The following ADAMTSL1 variants were observed in gnomAD, a reference collection of about 807,000 sequenced individuals.
ADAMTSL1 encodes ADAMTS like 1.
In ADAMTSL1, 126 loss-of-function variants were observed where a neutral mutation model predicts 201.8. That is an observed-to-expected ratio of 0.62 (90% CI 0.54 to 0.72). The LOEUF (loss-of-function observed/expected upper bound fraction) is 0.72, where lower values mean the gene tolerates loss of function less well. Ranked by LOEUF, ADAMTSL1 falls within the 30% of genes least tolerant of loss-of-function variation. The pLI is 0.00. For missense variants in ADAMTSL1, 2,679 were observed against 2,277.8 expected (o/e 1.18, Z -3.59); for synonymous variants, 1,121 against 903.4 (o/e 1.24, Z -4.32).
At chr9:18,838,605 T>C (rs1825488693) in intron 23 of ADAMTSL1, among the ~76,000 whole-genome samples, 1 of 152,110 alleles carries the variant, frequency 6.6e-6, no homozygotes, top group Non-Finnish European at 1.5e-5. Flanking sequence ...GATGGGAGGA[T>C]TGCTTGAGGT....
chr9:18,779,715 C>T (rs998633432), intron 19 of ADAMTSL1, among the ~76,000 whole-genome samples: 13 of 152,168 alleles, frequency 8.5e-5, no homozygotes, highest in Admixed American at 3.3e-4. Context: ...AGATTTCAGT[C>T]GAGCCCTTTG....
intron 2 of ADAMTSL1, among the ~76,000 whole-genome samples, chr9:18,321,219 T>G (rs1490547581): frequency 6.6e-6 from 1 of 152,178 alleles, no homozygotes; most frequent in Middle Eastern, 3.2e-3. Context: ...AATATAAAGA[T>G]ATTTTGTAAT....
At chr9:18,605,780 G>A (rs1824971493) in intron 4 of ADAMTSL1, among the ~76,000 whole-genome samples, 2 of 152,170 alleles carry the variant, frequency 1.3e-5, no homozygotes, top group South Asian at 2.1e-4. Context: ...CCATTCACAT[G>A]CTTTCTAAAT....
chr9:18,475,653 C>T (rs1242850137), intron 1 of ADAMTSL1, among the ~76,000 whole-genome samples: 1 of 152,132 alleles, frequency 6.6e-6, no homozygotes, highest in Non-Finnish European at 1.5e-5. Flanking sequence ...TGCTTTATGA[C>T]TTGTGGAGCA....
intron 24 of ADAMTSL1, 51 bp from the exon 25 acceptor site, chr9:18,889,517 G>C: frequency 1.3e-6 from 2 of 1,584,724 alleles, no homozygotes; most frequent in Non-Finnish European, 1.7e-6. Context: ...AATTCAGAGT[G>C]TGGGCAATTA....
chr9:18,678,478 A>G (rs2133148669), intron 10 of ADAMTSL1, among the ~76,000 whole-genome samples: 1 of 152,248 alleles, frequency 6.6e-6, no homozygotes, highest in East Asian at 1.9e-4. Context: ...TGCTGGGACC[A>G]TAGTATAAAT....
chr9:17,928,669 G>C (rs1826653313), intron 1 of ADAMTSL1, among the ~76,000 whole-genome samples: 1 of 152,122 alleles, frequency 6.6e-6, no homozygotes, highest in South Asian at 2.1e-4. Flanking sequence ...CAGTACTTTG[G>C]GAGGCTGAGG....
intron 1 of ADAMTSL1, among the ~76,000 whole-genome samples, chr9:17,941,852 A>G (rs903289171): frequency 6.6e-6 from 1 of 152,100 alleles, no homozygotes; most frequent in African/African-American, 2.4e-5. Flanking sequence ...AGGTTTGATG[A>G]GGGTCTACTC....
intron 2 of ADAMTSL1, among the ~76,000 whole-genome samples, chr9:18,317,259 T>C (rs764424904): frequency 8.5e-5 from 13 of 152,094 alleles, no homozygotes; most frequent in Non-Finnish European, 1.8e-4. Context: ...AGGGTAGATG[T>C]TGGTCAAAGG....
At chr9:18,222,973 T>G (rs1022218214) in intron 2 of ADAMTSL1, among the ~76,000 whole-genome samples, 5 of 152,064 alleles carry the variant, frequency 3.3e-5, no homozygotes, top group African/African-American at 1.2e-4. Context: ...TCTGTCTGCT[T>G]TCAAGTCTTC....
rs184976751 is a variant in ADAMTSL1, at chr9:18,382,844, C to T, written c.208-121985C>T. On this transcript the variant is annotated intron_variant, in intron 2 of 29. Coordinates refer to the ADAMTSL1 transcript ENST00000680146. ...ATGAACAATGCTCATTATAACACAG[C>T]TCTGCGAGTCTGGTCCTCTGTACAG... is the stretch of plus-strand genomic sequence containing the variant. 1.1e-3 allele frequency among the ~76,000 whole-genome samples: 160 copies of T among 152,278 alleles called. 2 individuals are homozygous for T. The highest frequency in any genetic ancestry group is 3.8e-3 in the African/African-American group (158 of 41,546).
At chr9:18,257,824 A>G (rs890187070) in intron 2 of ADAMTSL1, among the ~76,000 whole-genome samples, 1 of 152,240 alleles carries the variant, frequency 6.6e-6, no homozygotes. Flanking sequence ...AATGATTCTG[A>G]TAGAGTTATA....
intron 2 of ADAMTSL1, among the ~76,000 whole-genome samples, chr9:18,434,229 G>A (rs1298662540): frequency 6.6e-6 from 1 of 152,088 alleles, no homozygotes; most frequent in Non-Finnish European, 1.5e-5. Context: ...GGTCATAAAA[G>A]CTTTGGGCAA....
chr9:18,639,363 A>T lies in ADAMTSL1; in HGVS notation c.786A>T (p.Lys262Asn). 1 of 1,613,044 alleles carries T rather than the reference A, an allele frequency of 6.2e-7. No homozygotes were observed. Among genetic ancestry groups the T allele is most frequent in the South Asian group, 1.1e-5 (1 of 91,040 alleles). ...TGGACTTCCAGAAATTTCCAGACAA[A>T]GAGATACTGAGAATGGCTGGACCAC... ...SSVDFQKFPD[K>N]EILRMAGPLT... The change falls in exon 7 of 29, where the codon AAA becomes AAT. Residue 262 changes from lysine (K) to asparagine (N), a missense_variant. Coordinates refer to ENST00000380548, the MANE Select transcript of ADAMTSL1 (RefSeq NM_001040272.6).
At chr9:18,595,516 G>T (rs546627321) in intron 4 of ADAMTSL1, among the ~76,000 whole-genome samples, 1 of 152,330 alleles carries the variant, frequency 6.6e-6, no homozygotes, top group African/African-American at 2.4e-5. Context: ...CAGTGAAAGG[G>T]CCAGGGCTGA....
chr9:18,249,076 C>T (rs1018689544), intron 2 of ADAMTSL1, among the ~76,000 whole-genome samples: 7 of 152,060 alleles, frequency 4.6e-5, no homozygotes, highest in Non-Finnish European at 1.0e-4. Flanking sequence ...AGCTCTAGAT[C>T]CCCTGGAGGC....
At chr9:18,529,871 C>T (rs913711920) in intron 2 of ADAMTSL1, among the ~76,000 whole-genome samples, 1 of 152,182 alleles carries the variant, frequency 6.6e-6, no homozygotes, top group Non-Finnish European at 1.5e-5. Context: ...TAGACAACTA[C>T]AGGATATTCT....
chr9:18,898,626 A>G (rs1829811149), intron 26 of ADAMTSL1, among the ~76,000 whole-genome samples: 1 of 152,228 alleles, frequency 6.6e-6, no homozygotes, highest in South Asian at 2.1e-4. Flanking sequence ...CACCATGATC[A>G]AGTTGGCTTC....
chr9:17,944,153 A>T (rs571268113), intron 1 of ADAMTSL1, among the ~76,000 whole-genome samples: 4 of 152,256 alleles, frequency 2.6e-5, no homozygotes, highest in Admixed American at 6.5e-5. Flanking sequence ...TTAGAAAATC[A>T]TTCTTATACA....
Sources: allele counts gnomAD v4.1 joint callset (sites outside exome capture counted in the v4.1 genomes callset), GRCh38; gene constraint gnomAD v4.1.1; transcripts MANE v1.5; gene names NCBI Gene and HGNC (gene_info 2026-07-23, HGNC 2026-07-21).